The following DAPK1 variants were observed in gnomAD, a reference collection of about 807,000 sequenced individuals.
DAPK1 encodes the protein death-associated protein kinase 1.
In DAPK1, 56 loss-of-function variants were observed where a neutral mutation model predicts 144.9. The ratio of observed to expected loss-of-function variants is 0.39; its 90% CI spans 0.31 to 0.48. The LOEUF is 0.48. Ranked by LOEUF, DAPK1 falls within the 20% of genes least tolerant of loss-of-function variation. The pLI, the probability that DAPK1 is intolerant of heterozygous loss-of-function variation, is 0.95. For missense variants in DAPK1, 1,454 were observed against 1,875.4 expected (o/e 0.78, Z 4.15); for synonymous variants, 690 against 749.0 (o/e 0.92, Z 1.29).
chr9:87,583,412 CG>C (rs1394496588), intron 2 of DAPK1, among the ~76,000 whole-genome samples: 1 of 152,170 alleles, frequency 6.6e-6, no homozygotes, highest in African/African-American at 2.4e-5. Flanking sequence ...CCCTCAAATG[CG>C]TACAGCAAAT....
intron 2 of DAPK1, among the ~76,000 whole-genome samples, chr9:87,562,219 T>G (rs948997663): frequency 6.6e-6 from 1 of 152,226 alleles, no homozygotes; most frequent in Non-Finnish European, 1.5e-5. Context: ...GAGCTATATG[T>G]TCATCATAGT....
At position 87,697,176 on chromosome 9, in the gene DAPK1, G is replaced by A. The variant is rs2118025096; in HGVS notation, c.2583G>A (p.Lys861=). ...TGATTTTCTGGCTCAGTTTCCTGAA[G>A]TCCCTTGTCCCAGTTGAAGAACCCA... ...NQVIFWLSFL[K]SLVPVEEPIA... Residue 861 remains lysine (K), a synonymous_variant, in exon 22 of 26, where the codon AAG becomes AAA. Transcript: ENST00000408954. The A allele has an allele frequency of 6.4e-7, 1 of 1,572,206 alleles. No individual in the cohort carries two copies. Among genetic ancestry groups the A allele is most frequent in the Non-Finnish European group, 8.8e-7 (1 of 1,141,786 alleles).
intron 19 of DAPK1, among the ~76,000 whole-genome samples, chr9:87,671,873 A>C (rs1397992176): frequency 6.6e-6 from 1 of 152,180 alleles, no homozygotes. Context: ...CCCAGAGTCC[A>C]GTGAAAAGTC....
chr9:87,585,878 C>G (rs1452038394), intron 2 of DAPK1, among the ~76,000 whole-genome samples: 2 of 152,216 alleles, frequency 1.3e-5, no homozygotes, highest in African/African-American at 4.8e-5. Context: ...CTATCATAAT[C>G]ATTTTCATTA....
At chr9:87,605,489 G>A in intron 3 of DAPK1, among the ~76,000 whole-genome samples, 1 of 152,102 alleles carries the variant, frequency 6.6e-6, no homozygotes, top group East Asian at 1.9e-4. Context: ...TTCCTGTTAA[G>A]CTTCAAGCAT....
chr9:87,707,614 G>C lies in DAPK1; in HGVS notation c.*250G>C. On this transcript the variant is annotated 3_prime_UTR_variant, in exon 26 of 26. Coordinates refer to ENST00000408954, the MANE Select transcript of DAPK1 (RefSeq NM_004938.4). This position sits in a 1 kb window ranked among gnomAD's most constrained non-coding sequence, Gnocchi z 4.0. ...TTTACTTTGGCCGCTTGAAAAGCTA[G>C]TGTACCTCCTCTCAGTGTTTTGGAC... 1.8e-6 allele frequency: 1 copy of C among 546,256 alleles called. No individual in the cohort carries two copies. The highest frequency in any genetic ancestry group is 2.1e-5 in the South Asian group (1 of 46,998). 33.8% of individuals were successfully genotyped at this position (546,256 alleles called of 1,614,324 possible).
chr9:87,660,368 T>G (rs1197236009), intron 18 of DAPK1, among the ~76,000 whole-genome samples: 1 of 152,102 alleles, frequency 6.6e-6, no homozygotes, highest in Non-Finnish European at 1.5e-5. Context: ...ATCCCTCGGT[T>G]TAAGTTTCCT....
chr9:87,508,468 G>A (rs940189467), intron 2 of DAPK1, among the ~76,000 whole-genome samples: 1 of 151,252 alleles, frequency 6.6e-6, no homozygotes, highest in Non-Finnish European at 1.5e-5. Context: ...TCAGCCTCCC[G>A]AGTAGCTGGG....
At chr9:87,632,990 A>G (rs1180562780) in intron 3 of DAPK1, 1 of 978,026 alleles carries the variant, frequency 1.0e-6, no homozygotes, top group Non-Finnish European at 1.2e-6. Flanking sequence ...ATGAAGGGAG[A>G]TGAGTATACA....
intron 17 of DAPK1, among the ~76,000 whole-genome samples, chr9:87,653,987 C>A (rs1051199573): frequency 4.6e-5 from 7 of 152,204 alleles, no homozygotes; most frequent in African/African-American, 1.7e-4. Flanking sequence ...AGCCATCACA[C>A]CTGGCCCTAT....
chr9:87,510,614 T>A (rs1824798657), intron 2 of DAPK1, among the ~76,000 whole-genome samples: 1 of 152,216 alleles, frequency 6.6e-6, no homozygotes, highest in Non-Finnish European at 1.5e-5. Context: ...CCCTGTGGAC[T>A]GTGAGTTTTC....
At chr9:87,553,491 CTTTTCTTTTT>C (rs1356768020) in intron 2 of DAPK1, 36 of 144,548 alleles carry the variant, frequency 2.5e-4, no homozygotes, top group Non-Finnish European at 3.0e-4. Flanking sequence ...TTTTTCTTTT[CTTTTCTTTTT>C]TTTTTTTTTT....
Position 87,708,114 on chromosome 9 carries a change from G to T in DAPK1, c.*750G>T, listed in dbSNP as rs894700459. 1.2e-4 allele frequency: 34 copies of T among 281,586 alleles called. No individual in the cohort carries two copies. The highest frequency in any genetic ancestry group is 6.5e-4 in the African/African-American group (29 of 44,894). The allele number at this position is 281,586 out of a possible 1,614,324, so 17.4% of individuals were successfully genotyped here. A position where few individuals can be genotyped will look rare whatever the true frequency, so the allele number is the denominator to read the frequency against. On this transcript the variant is annotated 3_prime_UTR_variant, in exon 26 of 26. Coordinates refer to ENST00000408954, the MANE Select transcript of DAPK1 (RefSeq NM_004938.4). ...CCAGGGTGATTTTATGATCAGTGTT[G>T]TTGCTCTAGGAAGACATTTTTCCGT...
intron 1 of DAPK1, chr9:87,498,732 T>G: frequency 2.4e-6 from 1 of 423,786 alleles, no homozygotes. Flanking sequence ...CCGCCCAGCG[T>G]TTGGGGACGC....
intron 7 of DAPK1, 41 bp from the exon 8 acceptor site, chr9:87,640,257 G>C (rs759760439): frequency 6.3e-7 from 1 of 1,582,628 alleles, no homozygotes; most frequent in Non-Finnish European, 8.6e-7. Context: ...AACACCAAGG[G>C]GTCATCATTA....
At chr9:87,573,372 A>G (rs1317236387) in intron 2 of DAPK1, among the ~76,000 whole-genome samples, 1 of 152,236 alleles carries the variant, frequency 6.6e-6, no homozygotes, top group Non-Finnish European at 1.5e-5. Context: ...TCTCTCCTGG[A>G]TGGAAACCCT....
At chr9:87,583,768 G>A (rs955853387) in intron 2 of DAPK1, among the ~76,000 whole-genome samples, 1 of 152,142 alleles carries the variant, frequency 6.6e-6, no homozygotes, top group Non-Finnish European at 1.5e-5. Flanking sequence ...CCTTGCCACT[G>A]ACTAGTCCAC....
intron 3 of DAPK1, among the ~76,000 whole-genome samples, chr9:87,609,242 G>A (rs1587765669): frequency 6.6e-6 from 1 of 152,334 alleles, no homozygotes; most frequent in East Asian, 1.9e-4. Flanking sequence ...GCTCTACTGA[G>A]TTGCCAGCTT....
intron 19 of DAPK1, among the ~76,000 whole-genome samples, chr9:87,676,454 G>A (rs959072164): frequency 6.6e-6 from 1 of 152,248 alleles, no homozygotes; most frequent in African/African-American, 2.4e-5. Flanking sequence ...CCACCAATGA[G>A]GGAGATATAT....
Sources: gnomAD v4.1 joint callset for allele counts (sites outside exome capture counted in the v4.1 genomes callset) on GRCh38, gnomAD v4.1.1 for gene constraint, Gnocchi (gnomAD v3.1) non-coding constraint, MANE v1.5 for transcripts, NCBI Gene and HGNC (gene_info 2026-07-23, HGNC 2026-07-21) for gene names.